Variants in ZC3H4 observed in about 807,000 individuals in gnomAD.
The protein encoded by ZC3H4 is zinc finger CCCH-type containing 4, also known as zinc finger CCCH domain-containing protein 4.
In ZC3H4, 13 loss-of-function variants were observed where a neutral mutation model predicts 108.3. That is an observed-to-expected ratio of 0.12 (90% confidence interval 0.08 to 0.19). The LOEUF (loss-of-function observed/expected upper bound fraction) is 0.19. Ranked by LOEUF, ZC3H4 falls within the 10% of genes least tolerant of loss-of-function variation. ZC3H4 has a pLI of 1.00. For synonymous variants in ZC3H4, 917 were observed against 749.6 expected (o/e 1.22, Z -3.65); for missense variants, 1,734 against 1,838.8 (o/e 0.94, Z 1.04).
chr19:47,111,072 TC>T, intron 2 of ZC3H4: 2 of 229,874 alleles, frequency 8.7e-6, no homozygotes, highest in Non-Finnish European at 1.4e-5. Flanking sequence ...CCTCAGCGGC[TC>T]CCCAGCCAGG....
Position 47,085,062 on chromosome 19 carries a change from G to T in ZC3H4, c.1101C>A (p.Asp367Glu). 6.2e-7 allele frequency: 1 copy of T among 1,614,208 alleles called. No homozygotes were observed. Among genetic ancestry groups the T allele is most frequent in the Non-Finnish European group, 8.5e-7 (1 of 1,180,024 alleles). Residue 367 changes from aspartate (D) to glutamate (E), a missense_variant, in exon 8 of 15, where the codon GAC becomes GAA. Coordinates refer to ENST00000253048, the MANE Select transcript of ZC3H4 (RefSeq NM_015168.2). ...MNDDEDFYDEDMGDGGGGSYR... is the reference protein window; with the variant it reads ...MNDDEDFYDEEMGDGGGGSYR... ...CAGAGTGGAGTCAACTCACGCCCATGTCCTCGTCATAGAAGTCTTCGTCAT... is the reference window on the plus strand; with the variant it reads ...CAGAGTGGAGTCAACTCACGCCCATTTCCTCGTCATAGAAGTCTTCGTCAT...
chr19:47,100,596 C>T (rs1600102544), intron 2 of ZC3H4, among the ~76,000 whole-genome samples: 1 of 151,536 alleles, frequency 6.6e-6, no homozygotes, highest in Admixed American at 6.6e-5. Context: ...GTGGATGTGA[C>T]GATAGGAGAA....
At chr19:47,099,240 A>T (rs1428814503) in intron 2 of ZC3H4, among the ~76,000 whole-genome samples, 2 of 152,108 alleles carry the variant, frequency 1.3e-5, no homozygotes, top group East Asian at 3.9e-4. Context: ...TGGGCGGATC[A>T]CCTGAGGTCG....
At chr19:47,076,624 G>A (rs2057426393) in intron 11 of ZC3H4, among the ~76,000 whole-genome samples, 1 of 152,128 alleles carries the variant, frequency 6.6e-6, no homozygotes, top group South Asian at 2.1e-4. Flanking sequence ...GGGAGGACGA[G>A]GTAGGTGGAT....
At chr19:47,083,735 A>G (rs544626485) in intron 9 of ZC3H4, among the ~76,000 whole-genome samples, 1 of 152,314 alleles carries the variant, frequency 6.6e-6, no homozygotes, top group African/African-American at 2.4e-5. Context: ...TTTTATACAC[A>G]ACATTATTTG....
At chr19:47,070,028 C>T (rs572382464) in intron 13 of ZC3H4, among the ~76,000 whole-genome samples, 2 of 151,850 alleles carry the variant, frequency 1.3e-5, no homozygotes, top group Non-Finnish European at 2.9e-5. Flanking sequence ...CACAGGCTGA[C>T]GTGGGGACGC....
chr19:47,088,609 A>T (rs1370883356), intron 5 of ZC3H4, among the ~76,000 whole-genome samples: 2 of 151,992 alleles, frequency 1.3e-5, no homozygotes, highest in African/African-American at 4.8e-5. Flanking sequence ...AGTGAGCCTA[A>T]ATCGTGCCAC....
At position 47,106,696 on chromosome 19, in the gene ZC3H4, A is replaced by T. The variant is rs533202715; in HGVS notation, c.161+5728T>A. On this transcript the variant is annotated intron_variant, in intron 2 of 14. Coordinates refer to ENST00000253048, the MANE Select transcript of ZC3H4 (RefSeq NM_015168.2). ...CCAGACACAGAGGAAGGGAATACGA[A>T]GCCTGGTAAAGGCAGTAACAACCCT... Among the ~76,000 whole-genome samples the T allele has an allele frequency of 1.1e-4, 16 of 152,368 alleles. No individual in the cohort carries two copies. In the South Asian group the frequency reaches 2.7e-3, roughly 26 times the overall value.
In ZC3H4 at chr19:47,072,825, G is replaced by T; in HGVS notation, c.1441-112C>A. 1.6e-6 allele frequency: 2 copies of T among 1,258,804 alleles called. No homozygotes were observed. The highest frequency in any genetic ancestry group is 2.2e-6 in the Non-Finnish European group (2 of 914,808). 78.0% of individuals were successfully genotyped at this position (1,258,804 alleles called of 1,614,324 possible). ...GAAAAGTCCATAATACAAGGACCTT[G>T]AGATCTAAAGGCATAAAGACCACAA... On this transcript the variant is annotated intron_variant, in intron 11 of 14. Coordinates refer to ENST00000253048, the MANE Select transcript of ZC3H4 (RefSeq NM_015168.2). The surrounding 1 kb of genome is among the most constrained non-coding windows in gnomAD (Gnocchi z 5.6).
rs986091244 is a variant in ZC3H4 at position 47,066,032 on chromosome 19, A to C, written c.*324T>G. On this transcript the variant is annotated 3_prime_UTR_variant, in exon 15 of 15. Coordinates refer to ENST00000253048, the MANE Select transcript of ZC3H4 (RefSeq NM_015168.2). ...TGCCCAGAAAACCCACTGGGCCTCC[A>C]GCAAGGCCCGGCCACGCAGAGCCCA... 2 of 229,218 alleles carry C rather than the reference A, an allele frequency of 8.7e-6. No homozygotes were observed. The highest frequency in any genetic ancestry group is 4.5e-5 in the African/African-American group (2 of 44,232). 14.2% of individuals were successfully genotyped at this position (229,218 alleles called of 1,614,324 possible).
rs1599956567 is a variant in ZC3H4, at chr19:47,067,710, T to G, written c.2558A>C (p.His853Pro). The G allele has an allele frequency of 6.2e-7, 1 of 1,604,340 alleles. No individual in the cohort carries two copies. The highest frequency in any genetic ancestry group is 1.3e-5 in the African/African-American group (1 of 74,894). The stretch of plus-strand genomic sequence containing the variant: ...GTCAGCCAGCCGGCTTCCTGTGGGG[T>G]GTCCCTTCTGGAGGCGGGGGTCCCC... ...GLGDPRLQKG[H>P]PTGSRLADPR... The change falls in exon 15 of 15, where the codon CAC becomes CCC. Residue 853 changes from histidine (H) to proline (P), a missense_variant. By Grantham distance (77) the His-to-Pro change is moderately conservative (BLOSUM62 -2). Transcript: ENST00000253048. This position sits in a 1 kb window ranked among gnomAD's most constrained non-coding sequence, Gnocchi z 6.4.
chr19:47,104,389 G>C (rs1568568040), intron 2 of ZC3H4, among the ~76,000 whole-genome samples: 1 of 152,108 alleles, frequency 6.6e-6, no homozygotes, highest in Non-Finnish European at 1.5e-5. Flanking sequence ...TCACCTGTGG[G>C]TTCCTTAAGG....
At chr19:47,079,956 C>T (rs1320261682) in intron 11 of ZC3H4, among the ~76,000 whole-genome samples, 5 of 152,150 alleles carry the variant, frequency 3.3e-5, no homozygotes, top group South Asian at 4.1e-4. Flanking sequence ...TTCCTACAGG[C>T]GCCCTGCCAA....
chr19:47,078,251 C>T (rs1007108584), intron 11 of ZC3H4, among the ~76,000 whole-genome samples: 2 of 152,058 alleles, frequency 1.3e-5, no homozygotes, highest in South Asian at 2.1e-4. Context: ...AGGTAGGTGG[C>T]TTATTTCAGG....
chr19:47,079,493 G>C (rs929400403), intron 11 of ZC3H4, among the ~76,000 whole-genome samples: 1 of 151,944 alleles, frequency 6.6e-6, no homozygotes, highest in African/African-American at 2.4e-5. Context: ...CCTCCAGCAG[G>C]GGGCAGTCCT....
At chr19:47,075,796 G>T (rs1482817485) in intron 11 of ZC3H4, among the ~76,000 whole-genome samples, 1 of 152,194 alleles carries the variant, frequency 6.6e-6, no homozygotes, top group African/African-American at 2.4e-5. Flanking sequence ...TGGGTCCAGT[G>T]CAGAGGAGAA....
At chr19:47,091,967 G>A (rs1364196318) in intron 4 of ZC3H4, among the ~76,000 whole-genome samples, 4 of 152,010 alleles carry the variant, frequency 2.6e-5, no homozygotes, top group Non-Finnish European at 5.9e-5. Flanking sequence ...CCCGCACTTT[G>A]GGAGGCCGAG....
intron 2 of ZC3H4, among the ~76,000 whole-genome samples, chr19:47,110,208 T>C (rs545425717): frequency 1.3e-5 from 2 of 152,166 alleles, no homozygotes; most frequent in East Asian, 3.9e-4. Flanking sequence ...CCAATCTTTT[T>C]TGGGGAGTGG....
intron 2 of ZC3H4, among the ~76,000 whole-genome samples, chr19:47,101,643 C>T (rs1568565982): frequency 1.3e-5 from 2 of 152,088 alleles, no homozygotes; most frequent in South Asian, 2.1e-4. Context: ...GAGGCTGAGG[C>T]GGGCGGATCA....
Sources: gnomAD v4.1 joint callset for allele counts (sites outside exome capture counted in the v4.1 genomes callset) on GRCh38, gnomAD v4.1.1 for gene constraint, Gnocchi (gnomAD v3.1) non-coding constraint, MANE v1.5 for transcripts, NCBI Gene and HGNC (gene_info 2026-07-23, HGNC 2026-07-21) for gene names.